FSTL4: variants seen among roughly 807,000 people sequenced by gnomAD.
The protein encoded by FSTL4 is follistatin-related protein 4.
FSTL4 carries 28 observed loss-of-function variants against 78.2 expected under a neutral mutation model. The ratio of observed to expected loss-of-function variants is 0.36; its 90% CI spans 0.27 to 0.49. The LOEUF is 0.49. Among genes scored for constraint, FSTL4 ranks in the 20% least tolerant of loss-of-function variants. The probability of loss-of-function intolerance (pLI) is 0.98; values close to 1 mark genes in which losing one functional copy is unlikely to be tolerated. For missense variants in FSTL4, 922 were observed against 1,084.9 expected (o/e 0.85, Z 2.11); for synonymous variants, 422 against 440.5 (o/e 0.96, Z 0.53).
chr5:133,549,784 T>C (rs1759656379), intron 3 of FSTL4, among the ~76,000 whole-genome samples: 1 of 152,240 alleles, frequency 6.6e-6, no homozygotes, highest in Admixed American at 6.5e-5. Flanking sequence ...ATATGAATTC[T>C]ACTGAAAGCT....
intron 6 of FSTL4, among the ~76,000 whole-genome samples, chr5:133,309,546 C>T (rs1400692340): frequency 1.3e-5 from 2 of 152,168 alleles, no homozygotes; most frequent in African/African-American, 2.4e-5. Flanking sequence ...AGCCCCATCA[C>T]GAACCAGCTC....
chr5:133,700,038 T>C, the FSTL4 span, among the ~76,000 whole-genome samples: 1 of 152,170 alleles, frequency 6.6e-6, no homozygotes. Context: ...GCGGTCTTCA[T>C]TCAGGCCCCT....
intron 6 of FSTL4, among the ~76,000 whole-genome samples, chr5:133,298,137 T>C (rs921619286): frequency 2.0e-5 from 3 of 152,252 alleles, no homozygotes; most frequent in African/African-American, 7.2e-5. Context: ...ATGGTGCCTC[T>C]GGGCCTCATC....
chr5:133,211,437 T>G (rs1750709706), intron 13 of FSTL4, among the ~76,000 whole-genome samples: 1 of 152,206 alleles, frequency 6.6e-6, no homozygotes, highest in African/African-American at 2.4e-5. Flanking sequence ...CTTCTTGGTT[T>G]CAATGATCTT....
At chr5:133,734,435 G>A in the FSTL4 span, among the ~76,000 whole-genome samples, 12 of 152,238 alleles carry the variant, frequency 7.9e-5, no homozygotes, top group Non-Finnish European at 1.6e-4. Flanking sequence ...GAGATTTGCT[G>A]CAAAATACTC....
At chr5:133,203,191 C>T (rs564943883) in intron 14 of FSTL4, among the ~76,000 whole-genome samples, 1 of 152,350 alleles carries the variant, frequency 6.6e-6, no homozygotes, top group East Asian at 1.9e-4. Context: ...GGAGAGGAGG[C>T]AGATGCTGGG....
the FSTL4 span, among the ~76,000 whole-genome samples, chr5:133,750,799 T>C: frequency 1.3e-5 from 2 of 151,862 alleles, no homozygotes; most frequent in African/African-American, 4.8e-5. Context: ...TCCTGGAAGC[T>C]CTCCCTCCAT....
chr5:133,217,303 G>C lies in FSTL4; in HGVS notation c.1534C>G (p.Arg512Gly), dbSNP rs779638556. Residue 512 changes from arginine to glycine, a missense_variant, in exon 13 of 16, where the codon CGG becomes GGG. By Grantham distance (125) the Arg-to-Gly change is moderately radical (BLOSUM62 -2). Coordinates refer to ENST00000265342, the MANE Select transcript of FSTL4 (RefSeq NM_015082.2). ...GCTGGCTGGGCCACATAGATGTACC[G>C]GTTCCGGACATTGACTGCAGATACC... ...QWVSAVNVRN[R>G]YIYVAQPALS... is the part of the protein sequence containing the mutation. The C allele has an allele frequency of 1.2e-6, 2 of 1,613,868 alleles. No individual in the cohort carries two copies. Among genetic ancestry groups the C allele is most frequent in the East Asian group, 2.2e-5 (1 of 44,842 alleles).
intron 13 of FSTL4, among the ~76,000 whole-genome samples, chr5:133,211,220 T>C (rs968107576): frequency 5.3e-5 from 8 of 152,190 alleles, no homozygotes; most frequent in Admixed American, 4.6e-4. Flanking sequence ...TGAAAGCTGT[T>C]TTCTACTTCT....
chr5:133,550,832 T>C lies in FSTL4; in HGVS notation c.160+16354A>G, dbSNP rs189573415. Among the ~76,000 whole-genome samples, 350 of 152,304 alleles carry C rather than the reference T, an allele frequency of 2.3e-3. 3 individuals are homozygous for C. The highest frequency in any genetic ancestry group is 8.3e-3 in the African/African-American group (346 of 41,570). ...AGAGTAGGATAAAGTCCCAATGTAA[T>C]GGTGGCTGGAAATGTTATAGAAAGC... On this transcript the variant is annotated intron_variant, in intron 3 of 15. Transcript: ENST00000265342.
chr5:133,307,141 G>T (rs1419912329), intron 6 of FSTL4, among the ~76,000 whole-genome samples: 2 of 152,226 alleles, frequency 1.3e-5, no homozygotes, highest in Non-Finnish European at 2.9e-5. Flanking sequence ...GCAGAATAAA[G>T]ATTCAAAACC....
the FSTL4 span, among the ~76,000 whole-genome samples, chr5:133,767,373 C>G: frequency 2.0e-5 from 3 of 152,094 alleles, no homozygotes; most frequent in Non-Finnish European, 4.4e-5. Flanking sequence ...CACAGGGATG[C>G]AGATATTGGC....
chr5:133,248,895 T>C (rs114256934), intron 7 of FSTL4: 1,656 of 159,872 alleles, frequency 0.01, 9 homozygotes, highest in African/African-American at 0.016. Context: ...ACCTGGCATT[T>C]GTCTTCCAGC....
At chr5:133,698,515 G>A in the FSTL4 span, among the ~76,000 whole-genome samples, 2 of 152,238 alleles carry the variant, frequency 1.3e-5, no homozygotes, top group Non-Finnish European at 2.9e-5. Context: ...TGATGGAGCC[G>A]TTGTGACTAT....
rs375823528 is a variant in FSTL4, at chr5:133,197,621, T to A, written c.*1474A>T. On this transcript the variant is annotated 3_prime_UTR_variant, in exon 16 of 16. Coordinates refer to ENST00000265342, the MANE Select transcript of FSTL4 (RefSeq NM_015082.2). ...CTCCTTGAAAGAGTTCATTCCTTAA[T>A]GGCAAAGGAAAATCCTGGTCATGTC... 1.3e-5 allele frequency: 2 copies of A among 152,218 alleles called. No homozygotes were observed. The highest frequency in any genetic ancestry group is 1.9e-4 in the East Asian group (1 of 5,186). 9.4% of individuals were successfully genotyped at this position (152,218 alleles called of 1,614,324 possible).
chr5:133,459,634 A>C (rs540802220), intron 3 of FSTL4, among the ~76,000 whole-genome samples: 4 of 152,356 alleles, frequency 2.6e-5, no homozygotes, highest in Non-Finnish European at 4.4e-5. Flanking sequence ...CCAAACAGAC[A>C]GTCCTTGTCC....
chr5:133,765,283 G>C, the FSTL4 span, among the ~76,000 whole-genome samples: 3 of 152,234 alleles, frequency 2.0e-5, no homozygotes, highest in East Asian at 5.8e-4. Context: ...TCCAGGAAGA[G>C]TTTTTCATAG....
chr5:133,636,382 C>G, the FSTL4 span, among the ~76,000 whole-genome samples: 2 of 152,242 alleles, frequency 1.3e-5, no homozygotes, highest in Admixed American at 6.5e-5. Context: ...GGAAGCCCAG[C>G]CTGTGGGCTC....
At chr5:133,356,635 C>T (rs1348299923) in intron 4 of FSTL4, among the ~76,000 whole-genome samples, 1 of 149,224 alleles carries the variant, frequency 6.7e-6, no homozygotes, top group Non-Finnish European at 1.5e-5. Flanking sequence ...ATGGTAGTGA[C>T]AAGTGAGCAG....
Sources: allele counts gnomAD v4.1 joint callset (sites outside exome capture counted in the v4.1 genomes callset), GRCh38; gene constraint gnomAD v4.1.1; transcripts MANE v1.5; gene names NCBI Gene and HGNC (gene_info 2026-07-23, HGNC 2026-07-21).